Variants in ASIC2 observed in about 807,000 individuals in gnomAD.
ASIC2 encodes the protein acid sensing ion channel subunit 2.
In ASIC2, 25 loss-of-function variants were observed where a neutral mutation model predicts 57.3. The observed-to-expected ratio is 0.44, with a 90% CI of 0.32 to 0.61. ASIC2 has a LOEUF of 0.61. Among genes scored for constraint, ASIC2 ranks in the 20% least tolerant of loss-of-function variants. The pLI, the probability that ASIC2 is intolerant of heterozygous loss-of-function variation, is 0.06. For missense variants in ASIC2, 641 were observed against 738.1 expected, an observed-to-expected ratio of 0.87 and a Z score of 1.52; for synonymous variants, 319 against 307.5, an observed-to-expected ratio of 1.04 and a Z score of -0.39.
intron 1 of ASIC2, chr17:34,003,980 G>C (rs8070121): frequency 0.32 from 49,392 of 152,086 alleles, 10,541 homozygotes; most frequent in African/African-American, 0.58. Flanking sequence ...TTGGCCATCT[G>C]ATGCCTGAAC....
At chr17:33,904,120 G>A (rs563672266) in intron 1 of ASIC2, among the ~76,000 whole-genome samples, 5 of 120,722 alleles carry the variant, frequency 4.1e-5, no homozygotes, top group East Asian at 2.8e-4. Context: ...CCGAGATCGC[G>A]CCATTGTACT....
At chr17:34,146,831 A>G (rs1912433243) in intron 1 of ASIC2, 1 of 152,152 alleles carries the variant, frequency 6.6e-6, no homozygotes, top group Non-Finnish European at 1.5e-5. Flanking sequence ...CGCATGGAAG[A>G]CCCAGAGTGT....
intron 1 of ASIC2, among the ~76,000 whole-genome samples, chr17:33,938,600 A>G (rs1239672935): frequency 6.6e-6 from 1 of 152,210 alleles, no homozygotes; most frequent in East Asian, 1.9e-4. Flanking sequence ...CAAGGGAGAA[A>G]TGGAAGACTT....
chr17:33,642,827 A>G (rs1354645130), intron 1 of ASIC2, among the ~76,000 whole-genome samples: 1 of 152,184 alleles, frequency 6.6e-6, no homozygotes, highest in Admixed American at 6.5e-5. Context: ...AATGCCAAGC[A>G]CCTTCATTCA....
chr17:33,438,502 G>A (rs1052957887), intron 1 of ASIC2, among the ~76,000 whole-genome samples: 2 of 151,892 alleles, frequency 1.3e-5, no homozygotes, highest in African/African-American at 4.8e-5. Context: ...GTAAGACAAA[G>A]CATGTGCTAA....
At chr17:33,735,466 G>A (rs1482578748) in intron 1 of ASIC2, among the ~76,000 whole-genome samples, 1 of 152,156 alleles carries the variant, frequency 6.6e-6, no homozygotes, top group Non-Finnish European at 1.5e-5. Flanking sequence ...AGACATAGCA[G>A]GTTCCTTTAG....
At chr17:34,024,115 G>C (rs1359140858) in intron 1 of ASIC2, among the ~76,000 whole-genome samples, 3 of 152,136 alleles carry the variant, frequency 2.0e-5, no homozygotes, top group African/African-American at 7.2e-5. Flanking sequence ...CTTTATAGAG[G>C]GGCTCTTGAG....
At chr17:33,114,375 T>C (rs1324656359) in intron 1 of ASIC2, among the ~76,000 whole-genome samples, 1 of 152,266 alleles carries the variant, frequency 6.6e-6, no homozygotes. Context: ...TTGCAAGGCA[T>C]TGAACACACC....
At chr17:33,352,353 C>T (rs1421414789) in intron 1 of ASIC2, among the ~76,000 whole-genome samples, 1 of 152,096 alleles carries the variant, frequency 6.6e-6, no homozygotes, top group Non-Finnish European at 1.5e-5. Context: ...GAGCCCCCTC[C>T]ATGAGATGCA....
At position 33,582,163 on chromosome 17, in the gene ASIC2, C is replaced by T. The variant is rs554598986; in HGVS notation, c.556-470096G>A. On this transcript the variant is annotated intron_variant, in intron 1 of 9. Coordinates refer to the ASIC2 transcript ENST00000359872. ...TTTGGCAATTTGTTACAACAGCTGT[C>T]GAAAATGAATGTAATCTACAAAATA... 5.9e-5 allele frequency among the ~76,000 whole-genome samples: 9 copies of T among 152,152 alleles called. No individual in the cohort carries two copies. The East Asian group carries it at 9.7e-4, about 16-fold the overall frequency.
intron 1 of ASIC2, among the ~76,000 whole-genome samples, chr17:33,622,908 C>G (rs574009581): frequency 2.0e-5 from 3 of 152,284 alleles, no homozygotes; most frequent in African/African-American, 7.2e-5. Context: ...AAATGAGAAG[C>G]AGGATTTTCT....
chr17:33,298,026 C>T (rs562147476), upstream of ASIC2, among the ~76,000 whole-genome samples: 281 of 148,848 alleles, frequency 1.9e-3, 3 homozygotes, highest in African/African-American at 6.5e-3. Context: ...CTCTCCCCTC[C>T]TGTCTTTCCC....
At chr17:33,078,585 A>G (rs1346650534) in intron 3 of ASIC2, among the ~76,000 whole-genome samples, 2 of 152,204 alleles carry the variant, frequency 1.3e-5, no homozygotes, top group Non-Finnish European at 2.9e-5. Context: ...ATGCTACCAG[A>G]CAAATAATAG....
intron 7 of ASIC2, among the ~76,000 whole-genome samples, chr17:33,018,829 TG>T (rs1240231967): frequency 3.3e-5 from 5 of 150,842 alleles, no homozygotes; most frequent in African/African-American, 9.7e-5. Context: ...GAATTGGGTT[TG>T]GGGGGCACAG....
chr17:33,308,970 T>C (rs768294025), intron 1 of ASIC2, among the ~76,000 whole-genome samples: 14 of 152,214 alleles, frequency 9.2e-5, no homozygotes, highest in Non-Finnish European at 2.1e-4. Flanking sequence ...TCTACGTATG[T>C]TGAACAGATT....
Position 33,884,251 on chromosome 17 carries a change from C to G in ASIC2, c.555+271727G>C, listed in dbSNP as rs532480421. Among the ~76,000 whole-genome samples the G allele has an allele frequency of 4.6e-5, 7 of 152,330 alleles. No homozygotes were observed. In the South Asian group the frequency reaches 1.5e-3, roughly 32 times the overall value. On this transcript the variant is annotated intron_variant, in intron 1 of 9. Transcript: ENST00000359872. Reference sequence around the variant, plus strand: ...GGATATTTATTTCCCCAACCCCAACCTGCTCCCTCTCTGCCTCACTCTCAC... The same window carrying G: ...GGATATTTATTTCCCCAACCCCAACGTGCTCCCTCTCTGCCTCACTCTCAC...
At chr17:33,488,750 C>T (rs1404600973) in intron 1 of ASIC2, among the ~76,000 whole-genome samples, 1 of 152,180 alleles carries the variant, frequency 6.6e-6, no homozygotes, top group African/African-American at 2.4e-5. Context: ...AGAACAGCCC[C>T]ACCTACCCAC....
intron 1 of ASIC2, among the ~76,000 whole-genome samples, chr17:33,788,858 G>A (rs909536118): frequency 2.0e-5 from 3 of 152,206 alleles, no homozygotes; most frequent in Admixed American, 6.5e-5. Flanking sequence ...CATTGAGAAC[G>A]CATAGATGTA....
intron 1 of ASIC2, among the ~76,000 whole-genome samples, chr17:33,957,411 G>A (rs962047156): frequency 6.6e-6 from 1 of 152,316 alleles, no homozygotes; most frequent in African/African-American, 2.4e-5. Flanking sequence ...GGACATATCT[G>A]AAACTGGGTA....
Sources: allele counts gnomAD v4.1 joint callset (sites outside exome capture counted in the v4.1 genomes callset), GRCh38; gene constraint gnomAD v4.1.1; transcripts MANE v1.5; gene names NCBI Gene and HGNC (gene_info 2026-07-23, HGNC 2026-07-21).